The following ABAT variants were observed in gnomAD, a reference collection of about 807,000 sequenced individuals.
ABAT encodes 4-aminobutyrate aminotransferase, mitochondrial.
ABAT carries 45 observed loss-of-function variants against 64.6 expected under a neutral mutation model. The ratio of observed to expected loss-of-function variants is 0.70; its 90% CI spans 0.55 to 0.89. The LOEUF (loss-of-function observed/expected upper bound fraction) is 0.89. Ranked by LOEUF, ABAT falls within the 40% of genes least tolerant of loss-of-function variation. ABAT has a pLI of 0.00. For missense variants in ABAT, 633 were observed against 658.4 expected (o/e 0.96, Z 0.42); for synonymous variants, 297 against 250.5 (o/e 1.19, Z -1.75).
intron 9 of ABAT, among the ~76,000 whole-genome samples, chr16:8,766,603 C>T (rs564573165): frequency 5.3e-5 from 8 of 150,898 alleles, no homozygotes; most frequent in East Asian, 3.9e-4. Flanking sequence ...TGCAGTGAGC[C>T]GAGATCACAC....
chr16:8,682,137 C>T (rs1013611194), intron 1 of ABAT, among the ~76,000 whole-genome samples: 3 of 151,212 alleles, frequency 2.0e-5, no homozygotes, highest in African/African-American at 7.3e-5. Context: ...GAGGCTAAGA[C>T]AGCCGTGTAT....
intron 1 of ABAT, among the ~76,000 whole-genome samples, chr16:8,688,330 A>C (rs562773392): frequency 7.9e-5 from 12 of 152,336 alleles, no homozygotes; most frequent in African/African-American, 2.6e-4. Context: ...GGTAGCAAGA[A>C]GTTGAAACAG....
intron 1 of ABAT, among the ~76,000 whole-genome samples, chr16:8,732,860 T>A (rs1194119578): frequency 6.7e-6 from 1 of 150,064 alleles, no homozygotes; most frequent in Non-Finnish European, 1.5e-5. Context: ...GGCTCCTCAC[T>A]TCCCAGTAGG....
chr16:8,710,001 C>A lies in ABAT; in HGVS notation c.-41-25698C>A, dbSNP rs556601152. Among the ~76,000 whole-genome samples, 232 of 151,954 alleles carry A rather than the reference C, an allele frequency of 1.5e-3. 1 individual carries two copies. The highest frequency in any genetic ancestry group is 2.5e-3 in the Non-Finnish European group (167 of 67,986). ...GTATGTTTGTATTTTTTTATACAGA[C>A]CTGCTTTCACTGTATTGCCCAGGCT... On this transcript the variant is annotated intron_variant, in intron 1 of 15. Transcript: ENST00000268251.
At chr16:8,714,944 A>G (rs1273386) in intron 1 of ABAT, 152,604 of 152,608 alleles carry the variant, frequency 1, 76,300 homozygotes, top group Middle Eastern at 1. Context: ...GTCTGCCACG[A>G]CTGCCCTTGT....
chr16:8,694,819 G>T (rs983764574), intron 1 of ABAT, among the ~76,000 whole-genome samples: 1 of 152,218 alleles, frequency 6.6e-6, no homozygotes, highest in Non-Finnish European at 1.5e-5. Flanking sequence ...GTAACTTTAG[G>T]TGTCTGTCCT....
chr16:8,721,881 G>A (rs753292989), intron 1 of ABAT, among the ~76,000 whole-genome samples: 2 of 152,202 alleles, frequency 1.3e-5, no homozygotes, highest in African/African-American at 4.8e-5. Context: ...GAGGAGAGGT[G>A]GGTGGGACTG....
intron 6 of ABAT, among the ~76,000 whole-genome samples, chr16:8,759,468 C>T (rs889733420): frequency 1.3e-5 from 2 of 151,766 alleles, no homozygotes; most frequent in African/African-American, 4.8e-5. Context: ...ATTAAGTAGA[C>T]CCCTCCCCTT....
intron 1 of ABAT, among the ~76,000 whole-genome samples, chr16:8,681,997 A>G (rs929562336): frequency 1.3e-5 from 2 of 152,070 alleles, no homozygotes; most frequent in African/African-American, 2.4e-5. Context: ...GTTTAGCAGC[A>G]TTCTTGGCCT....
chr16:8,703,407 A>G (rs1188469898), intron 1 of ABAT, among the ~76,000 whole-genome samples: 1 of 152,008 alleles, frequency 6.6e-6, no homozygotes, highest in Non-Finnish European at 1.5e-5. Context: ...AGTGAACCAA[A>G]ATCGTGCCAT....
chr16:8,725,301 C>A (rs1421398682), intron 1 of ABAT, among the ~76,000 whole-genome samples: 1 of 152,200 alleles, frequency 6.6e-6, no homozygotes, highest in Non-Finnish European at 1.5e-5. Flanking sequence ...TGCTGTGCAG[C>A]CACCACCGCT....
chr16:8,715,577 G>A (rs1005457495), intron 1 of ABAT: 1 of 143,454 alleles, frequency 7.0e-6, no homozygotes, highest in Non-Finnish European at 1.5e-5. Flanking sequence ...AGTGAGCCAT[G>A]AGCCATGATC....
rs549639347 is a variant in ABAT at position 8,767,456 on chromosome 16, G to T, written c.604-737G>T. 1.7e-4 allele frequency among the ~76,000 whole-genome samples: 26 copies of T among 152,296 alleles called. 1 individual carries two copies. In the South Asian group the frequency reaches 3.9e-3, roughly 23 times the overall value. On this transcript the variant is annotated intron_variant, in intron 9 of 15. Transcript: ENST00000268251. The stretch of plus-strand genomic sequence containing the variant: ...TCAGCACCTGACCCGCCTGACACCT[G>T]AGGAGGCCTGAGTAGTAGGGAGCCA...
Position 8,764,732 on chromosome 16 carries a change from C to T in ABAT, c.448-6C>T, listed in dbSNP as rs1356978288. Reference sequence around the variant, plus strand: ...CCTGGGCTCACGGCTATTTCCCTCCCCACAGGTGGCTCCCAAAGGGATGTC... The same window carrying T: ...CCTGGGCTCACGGCTATTTCCCTCCTCACAGGTGGCTCCCAAAGGGATGTC... On this transcript the variant is annotated splice_polypyrimidine_tract_variant and splice_region_variant and intron_variant, in intron 7 of 15. Coordinates refer to ENST00000268251, the MANE Select transcript of ABAT (RefSeq NM_020686.6). This position sits in a 1 kb window ranked among gnomAD's most constrained non-coding sequence, Gnocchi z 4.2. The T allele has an allele frequency of 6.2e-7, 1 of 1,613,928 alleles. No individual in the cohort carries two copies. Among genetic ancestry groups the T allele is most frequent in the Non-Finnish European group, 8.5e-7 (1 of 1,179,858 alleles).
intron 2 of ABAT, chr16:8,738,444 A>T (rs770723701): frequency 6.6e-6 from 3 of 455,794 alleles, no homozygotes; most frequent in South Asian, 4.6e-5. Context: ...CTGCTCCAGG[A>T]TCCAATCCAG....
At chr16:8,724,902 C>T (rs1385913304) in intron 1 of ABAT, among the ~76,000 whole-genome samples, 2 of 117,240 alleles carry the variant, frequency 1.7e-5, no homozygotes, top group Non-Finnish European at 3.5e-5. Context: ...AGACAGCCAA[C>T]TCCAATATCT....
rs2059891714 is a variant in ABAT at position 8,764,665 on chromosome 16, A to C, written c.448-73A>C. ...CCCGGTACGGCCCCTGCGAAGATTC[A>C]GCTCCAGCCAGGGGAAGCGGGAGGA... On this transcript the variant is annotated intron_variant, in intron 7 of 15. Transcript: ENST00000268251. This position sits in a 1 kb window ranked among gnomAD's most constrained non-coding sequence, Gnocchi z 4.2. 7.1e-7 allele frequency: 1 copy of C among 1,399,540 alleles called. No individual in the cohort carries two copies. Among genetic ancestry groups the C allele is most frequent in the Non-Finnish European group, 1.0e-6 (1 of 986,210 alleles). The allele number at this position is 1,399,540 out of a possible 1,614,324, so 86.7% of individuals were successfully genotyped here.
rs76717569 is a variant in ABAT at position 8,781,529 on chromosome 16, G to C, written c.*99G>C. 2.9e-3 allele frequency: 4,050 copies of C among 1,388,466 alleles called. 78 individuals carry two copies. The African/African-American group carries it at 0.044, about 15-fold the overall frequency. 86.0% of individuals were successfully genotyped at this position (1,388,466 alleles called of 1,614,324 possible). The stretch of plus-strand genomic sequence containing the variant: ...GTTTTCACTTAAAAGTATCAGAGGT[G>C]AATGCACAGTGAAGGGTGATTTGTG... On this transcript the variant is annotated 3_prime_UTR_variant, in exon 16 of 16. Transcript: ENST00000268251. This position sits in a 1 kb window ranked among gnomAD's most constrained non-coding sequence, Gnocchi z 4.5.
At chr16:8,780,824 G>A in intron 15 of ABAT, 2 of 154,000 alleles carry the variant, frequency 1.3e-5, no homozygotes, top group East Asian at 1.4e-4. Flanking sequence ...AGCTGTAACT[G>A]TGAAGTCACC....
Sources: gnomAD v4.1 joint callset for allele counts (sites outside exome capture counted in the v4.1 genomes callset) on GRCh38, gnomAD v4.1.1 for gene constraint, Gnocchi (gnomAD v3.1) non-coding constraint, MANE v1.5 for transcripts, NCBI Gene and HGNC (gene_info 2026-07-23, HGNC 2026-07-21) for gene names.